The following SEMA7A variants were observed in gnomAD, a reference collection of about 807,000 sequenced individuals.
SEMA7A encodes the protein semaphorin 7A (JohnMiltonHagen blood group), also known as semaphorin-7A.
Under a neutral mutation model 67.5 loss-of-function variants are expected in SEMA7A, and 21 were observed. That is an observed-to-expected ratio of 0.31 (90% CI 0.22 to 0.45). SEMA7A has a LOEUF of 0.45. Ranked by LOEUF, SEMA7A falls within the 20% of genes least tolerant of loss-of-function variation. SEMA7A has a pLI of 1.00. For synonymous variants in SEMA7A, 364 were observed against 368.5 expected, an observed-to-expected ratio of 0.99 and a Z score of 0.14; for missense variants, 774 against 908.6, an observed-to-expected ratio of 0.85 and a Z score of 1.90.
rs1477209038 is a variant in SEMA7A at position 74,409,339 on chromosome 15, G to A, written c.*1285C>T. 3.3e-5 allele frequency: 5 copies of A among 152,284 alleles called. No homozygotes were observed. Among genetic ancestry groups the A allele is most frequent in the African/African-American group, 1.2e-4 (5 of 41,472 alleles). The allele number at this position is 152,284 out of a possible 1,614,324, so 9.4% of individuals were successfully genotyped here. On this transcript the variant is annotated 3_prime_UTR_variant, in exon 14 of 14. Coordinates refer to ENST00000261918, the MANE Select transcript of SEMA7A (RefSeq NM_003612.5). The stretch of plus-strand genomic sequence containing the variant: ...ATATGTTACATTATTAAAGTGCATT[G>A]AGAAGAGGTGCAGGGGCCAAAGCTG...
chr15:74,432,904 G>T (rs1007074161), intron 1 of SEMA7A, among the ~76,000 whole-genome samples: 1 of 152,030 alleles, frequency 6.6e-6, no homozygotes, highest in Non-Finnish European at 1.5e-5. Flanking sequence ...CATAGTACAG[G>T]GTCTAAACTG....
In SEMA7A at chr15:74,414,227, C is replaced by G. The variant is rs1003392607; in HGVS notation, c.1294+320G>C. On this transcript the variant is annotated intron_variant, in intron 10 of 13. Coordinates refer to ENST00000261918, the MANE Select transcript of SEMA7A (RefSeq NM_003612.5). This position sits in a 1 kb window ranked among gnomAD's most constrained non-coding sequence, Gnocchi z 4.1. ...GGCCCCTCCTCCTCATTTGCCACGT[C>G]TCTTCCTACCATCTTCTTCCCTGAG... Among the ~76,000 whole-genome samples the G allele has an allele frequency of 6.6e-6, 1 of 152,216 alleles. No individual in the cohort carries two copies. The highest frequency in any genetic ancestry group is 2.4e-5 in the African/African-American group (1 of 41,450).
chr15:74,433,616 C>T, intron 1 of SEMA7A, 125 bp downstream of exon 1: 1 of 1,273,346 alleles, frequency 7.9e-7, no homozygotes, highest in Non-Finnish European at 9.9e-7. Context: ...CACGCGGGGA[C>T]AGCGCGGGGA....
rs2060943696 is a variant in SEMA7A, at chr15:74,415,859, G to A, written c.928C>T (p.Pro310Ser). 6.2e-7 allele frequency: 1 copy of A among 1,614,080 alleles called. No homozygotes were observed. Among genetic ancestry groups the A allele is most frequent in the Non-Finnish European group, 8.5e-7 (1 of 1,179,968 alleles). Residue 310 changes from proline (P) to serine (S), a missense_variant, in exon 8 of 14, where the codon CCT (proline) becomes TCT (serine). Coordinates refer to ENST00000261918, the MANE Select transcript of SEMA7A (RefSeq NM_003612.5). ...FNRLQDVFLL[P>S]DPSGQWRDTR... ...TCCCTCCACTGGCCGCTGGGGTCAG[G>A]GAGCAGGAAGACGTCTTGCAGCCTG...
In SEMA7A at chr15:74,415,784, G is replaced by A. The variant is rs1452684351; in HGVS notation, c.986+17C>T. 5 of 1,605,286 alleles carry A rather than the reference G, an allele frequency of 3.1e-6. No homozygotes were observed. The highest frequency in any genetic ancestry group is 2.6e-6 in the Non-Finnish European group (3 of 1,175,558). ...TGAACCAATGCCAGCCCCGGCCCCA[G>A]GACAAGGGCCACTCACCAGGGGTTG... On this transcript the variant is annotated intron_variant, in intron 8 of 13. Coordinates refer to ENST00000261918, the MANE Select transcript of SEMA7A (RefSeq NM_003612.5).
In SEMA7A at chr15:74,411,473, C is replaced by T; in HGVS notation, c.1577+83G>A. The T allele has an allele frequency of 6.5e-7, 1 of 1,544,112 alleles. No individual in the cohort carries two copies. ...AGGGTCCCACAAGAAAGGCCCAGTACCGCCACCTCCTCCAGCCCGACAACA... is the reference window on the plus strand; with the variant it reads ...AGGGTCCCACAAGAAAGGCCCAGTATCGCCACCTCCTCCAGCCCGACAACA... On this transcript the variant is annotated intron_variant, in intron 12 of 13. Transcript: ENST00000261918. This position sits in a 1 kb window ranked among gnomAD's most constrained non-coding sequence, Gnocchi z 4.4.
chr15:74,414,893 C>T lies in SEMA7A; in HGVS notation c.1040G>A (p.Arg347His), dbSNP rs387907241. The part of the protein sequence containing the change: ...YSLGDIDKVF[R>H]TSSLKGYHSS... ...GTGGTAGCCCTTGAGTGAGGAGGTA[C>T]GGAAGACCTTGTCAATGTCACCGAG... Residue 347 changes from arginine (R) to histidine (H), a missense_variant, in exon 9 of 14, where the codon CGT becomes CAT. Around this residue, in one of 2 missense-constraint regions of SEMA7A, gnomAD observed 427 missense variants for 555.4 expected, o/e 0.77. Coordinates refer to ENST00000261918, the MANE Select transcript of SEMA7A (RefSeq NM_003612.5). The surrounding 1 kb of genome is among the most constrained non-coding windows in gnomAD (Gnocchi z 4.1). 1.2e-5 allele frequency: 19 copies of T among 1,614,062 alleles called. No individual in the cohort carries two copies. The highest frequency in any genetic ancestry group is 4.0e-5 in the African/African-American group (3 of 74,916).
Position 74,418,294 on chromosome 15 carries a change from T to C in SEMA7A, c.346A>G (p.Thr116Ala), listed in dbSNP as rs578217064. Residue 116 changes from threonine to alanine, a missense_variant, in exon 3 of 14, where the codon ACA (threonine) becomes GCA (alanine). By Grantham distance (58) the Thr-to-Ala change is moderately conservative. Coordinates refer to ENST00000261918, the MANE Select transcript of SEMA7A (RefSeq NM_003612.5). ...CGCTTATCCAGACAGGACCCCTTTG[T>C]GGAGCCGATATTCACCTGGGGGAAG... is the stretch of plus-strand genomic sequence containing the variant. ...ASVRTVNIGSTKGSCLDKRDC... is the reference protein window; with the variant it reads ...ASVRTVNIGSAKGSCLDKRDC... 11 of 1,611,702 alleles carry C rather than the reference T, an allele frequency of 6.8e-6. No individual in the cohort carries two copies. Among genetic ancestry groups the C allele is most frequent in the Admixed American group, 1.7e-5 (1 of 59,302 alleles).
chr15:74,411,118 CCTT>C lies in SEMA7A; in HGVS notation c.1640-136_1640-134del, dbSNP rs2060896064. ...TGGGGAACCCAGCCCTCAGCGTCCT[CCTT>C]TTTTCTCCCGTCTCGCTCATCCCAC... On this transcript the variant is annotated intron_variant, in intron 13 of 13. Coordinates refer to ENST00000261918, the MANE Select transcript of SEMA7A (RefSeq NM_003612.5). This position sits in a 1 kb window ranked among gnomAD's most constrained non-coding sequence, Gnocchi z 4.4. The C allele has an allele frequency of 6.4e-6, 9 of 1,398,768 alleles. No individual in the cohort carries two copies. The highest frequency in any genetic ancestry group is 2.5e-4 in the Middle Eastern group (1 of 3,944). The allele number at this position is 1,398,768 out of a possible 1,614,324, so 86.6% of individuals were successfully genotyped here.
At chr15:74,433,630 C>T in intron 1 of SEMA7A, 111 bp downstream of exon 1, 1 of 1,294,752 alleles carries the variant, frequency 7.7e-7, no homozygotes, top group East Asian at 3.2e-5. Flanking sequence ...GCGGGGACAG[C>T]CCGGGACCCG....
intron 1 of SEMA7A, among the ~76,000 whole-genome samples, chr15:74,424,998 G>A (rs941007613): frequency 1.3e-5 from 2 of 152,236 alleles, no homozygotes; most frequent in African/African-American, 4.8e-5. Context: ...AGTGGAGGGA[G>A]GGAGGCAGGT....
intron 1 of SEMA7A, 34 bp downstream of exon 1, chr15:74,433,707 T>A (rs2061114509): frequency 7.1e-7 from 1 of 1,404,074 alleles, no homozygotes. Flanking sequence ...CAGCGTCTGA[T>A]CCCGCGCCTG....
intron 1 of SEMA7A, among the ~76,000 whole-genome samples, chr15:74,433,294 C>G (rs958009584): frequency 3.3e-5 from 5 of 151,712 alleles, no homozygotes; most frequent in Non-Finnish European, 1.5e-5. Flanking sequence ...TCCGCGCCCC[C>G]CTTGCCGGCC....
At position 74,411,523 on chromosome 15, in the gene SEMA7A, T is replaced by C; in HGVS notation, c.1577+33A>G. 6.5e-7 allele frequency: 1 copy of C among 1,543,198 alleles called. No homozygotes were observed. Among genetic ancestry groups the C allele is most frequent in the Non-Finnish European group, 8.7e-7 (1 of 1,143,278 alleles). On this transcript the variant is annotated intron_variant, in intron 12 of 13. Transcript: ENST00000261918. This position sits in a 1 kb window ranked among gnomAD's most constrained non-coding sequence, Gnocchi z 4.4. The stretch of plus-strand genomic sequence containing the variant: ...ACCTCCCCCTCTCCCATGCCCACCT[T>C]CTCCCAGGGACGAGGGATCCCGGCC...
chr15:74,417,820 A>G, intron 4 of SEMA7A, 57 bp downstream of exon 4: 2 of 1,585,818 alleles, frequency 1.3e-6, no homozygotes, highest in Non-Finnish European at 1.7e-6. Context: ...CATGAGGGGC[A>G]GAAGCCCACG....
chr15:74,416,039 C>G lies in SEMA7A; in HGVS notation c.802-54G>C, dbSNP rs1429653561. ...CTCAGCACCTGCCCGGGCTTCCCCACACACCCCAGGAAACCACTGCCAGCA... is the reference window on the plus strand; with the variant it reads ...CTCAGCACCTGCCCGGGCTTCCCCAGACACCCCAGGAAACCACTGCCAGCA... On this transcript the variant is annotated intron_variant, in intron 7 of 13. Coordinates refer to ENST00000261918, the MANE Select transcript of SEMA7A (RefSeq NM_003612.5). 5 of 1,563,852 alleles carry G rather than the reference C, an allele frequency of 3.2e-6. No homozygotes were observed. In the East Asian group the frequency reaches 1.1e-4, roughly 35 times the overall value.
intron 1 of SEMA7A, among the ~76,000 whole-genome samples, chr15:74,419,214 C>T (rs960941813): frequency 1.3e-5 from 2 of 152,206 alleles, no homozygotes; most frequent in African/African-American, 4.8e-5. Context: ...CTCCTTCCTT[C>T]ACAGTATGTG....
In SEMA7A at chr15:74,410,782, C is replaced by T. The variant is rs750920992; in HGVS notation, c.1843G>A (p.Ala615Thr). 3.1e-6 allele frequency: 5 copies of T among 1,614,200 alleles called. 1 individual carries two copies. The Admixed American group carries it at 8.3e-5, about 27-fold the overall frequency. The change falls in exon 14 of 14, where the codon GCC becomes ACC. Residue 615 changes from alanine to threonine, a missense_variant. Transcript: ENST00000261918. This position sits in a 1 kb window ranked among gnomAD's most constrained non-coding sequence, Gnocchi z 7.5. ...AQQYGHYFCE[A>T]QEGSYFREAQ... is the part of the protein sequence containing the mutation. ...TCGCGGAAGTAGGAGCCCTCCTGGG[C>T]CTCGCAGAAGTAGTGGCCGTACTGC...
At chr15:74,417,793 C>T (rs2060964797) in intron 4 of SEMA7A, 84 bp downstream of exon 4, 5 of 1,557,790 alleles carry the variant, frequency 3.2e-6, no homozygotes, top group Admixed American at 1.7e-5. Flanking sequence ...ATTGGAGTCT[C>T]GCCATCTCCT....
Sources: gnomAD v4.1 joint callset for allele counts (sites outside exome capture counted in the v4.1 genomes callset) on GRCh38, gnomAD v4.1.1 for gene constraint, gnomAD v4.1.1 regional missense constraint, Gnocchi (gnomAD v3.1) non-coding constraint, MANE v1.5 for transcripts, NCBI Gene and HGNC (gene_info 2026-07-23, HGNC 2026-07-21) for gene names.